Variants in CLASP2 observed in about 807,000 individuals in gnomAD.
The protein encoded by CLASP2 is cytoplasmic linker associated protein 2.
A neutral mutation model predicts 194.4 loss-of-function variants in CLASP2; 47 were observed. The ratio of observed to expected loss-of-function variants is 0.24; its 90% CI spans 0.19 to 0.31. The LOEUF (loss-of-function observed/expected upper bound fraction) is 0.31. Among genes scored for constraint, CLASP2 ranks in the 10% least tolerant of loss-of-function variants. CLASP2 has a pLI of 1.00. For synonymous variants in CLASP2, 619 were observed against 633.5 expected (o/e 0.98, Z 0.34); for missense variants, 1,445 against 1,823.6 (o/e 0.79, Z 3.78).
At chr3:33,592,861 C>T (rs2069152401) in intron 20 of CLASP2, among the ~76,000 whole-genome samples, 1 of 152,152 alleles carries the variant, frequency 6.6e-6, no homozygotes, top group African/African-American at 2.4e-5. Context: ...CAAGTCAACC[C>T]TACAGTTTTA....
At chr3:33,667,229 T>C (rs984969941) in intron 6 of CLASP2, among the ~76,000 whole-genome samples, 7 of 151,740 alleles carry the variant, frequency 4.6e-5, no homozygotes, top group Non-Finnish European at 7.4e-5. Context: ...CTGGCCAACA[T>C]GGTGAAACCC....
At chr3:33,510,890 C>G in intron 36 of CLASP2, 126 bp from the exon 37 acceptor site, 1 of 856,224 alleles carries the variant, frequency 1.2e-6, no homozygotes, top group South Asian at 1.8e-5. Flanking sequence ...CTACAGTAAA[C>G]AAACATGAAA....
intron 12 of CLASP2, among the ~76,000 whole-genome samples, chr3:33,614,624 T>C (rs1283779150): frequency 6.6e-6 from 1 of 152,124 alleles, no homozygotes; most frequent in East Asian, 1.9e-4. Flanking sequence ...TATAAAATAA[T>C]CAAATAGTCT....
In CLASP2 at chr3:33,516,127, T is replaced by G; in HGVS notation, c.4006A>C (p.Lys1336Gln). The G allele has an allele frequency of 6.2e-7, 1 of 1,608,958 alleles. No individual in the cohort carries two copies. Among genetic ancestry groups the G allele is most frequent in the Non-Finnish European group, 8.5e-7 (1 of 1,177,504 alleles). ...KEPTIRALAL[K>Q]VLREILRHQP... ...TGCCTTAGGATTTCTCTTAAAACCT[T>G]TAATGCCAAAGCCCTGATTGTAGGC... The change falls in exon 36 of 39, where the codon AAG becomes CAG. Residue 1336 changes from lysine to glutamine, a missense_variant. Coordinates refer to ENST00000682230, the MANE Select transcript of CLASP2 (RefSeq NM_001365631.1).
intron 37 of CLASP2, chr3:33,502,055 G>C (rs1392572579): frequency 1.2e-5 from 3 of 260,858 alleles, no homozygotes; most frequent in Non-Finnish European, 2.2e-5. Context: ...AATTCACCCT[G>C]AAAAAAGTCT....
intron 30 of CLASP2, among the ~76,000 whole-genome samples, chr3:33,545,730 T>C (rs2154150959): frequency 6.6e-6 from 1 of 152,140 alleles, no homozygotes; most frequent in East Asian, 1.9e-4. Context: ...GCTAACATGA[T>C]GAATCCCCGT....
chr3:33,603,754 C>T (rs1251914540), intron 17 of CLASP2, among the ~76,000 whole-genome samples: 1 of 152,146 alleles, frequency 6.6e-6, no homozygotes, highest in Non-Finnish European at 1.5e-5. Context: ...TCCTGAGTAG[C>T]TGGGATTATG....
At chr3:33,640,509 G>GA (rs1222838077) in intron 8 of CLASP2, among the ~76,000 whole-genome samples, 1 of 152,120 alleles carries the variant, frequency 6.6e-6, no homozygotes, top group Non-Finnish European at 1.5e-5. Context: ...ACAATACAGA[G>GA]AAAATACACT....
chr3:33,621,386 T>C (rs566948013), intron 11 of CLASP2, among the ~76,000 whole-genome samples: 35 of 152,302 alleles, frequency 2.3e-4, no homozygotes, highest in Non-Finnish European at 1.8e-4. Flanking sequence ...TAGTTGGAGA[T>C]ATTGGGTCAT....
At chr3:33,626,939 G>T in intron 10 of CLASP2, 49 bp downstream of exon 10, 1 of 1,122,156 alleles carries the variant, frequency 8.9e-7, no homozygotes, top group East Asian at 2.5e-5. Context: ...TTTTTTAAAA[G>T]GAACATCAAT....
intron 25 of CLASP2, 125 bp downstream of exon 25, chr3:33,572,985 A>G: frequency 9.5e-7 from 1 of 1,049,014 alleles, no homozygotes; most frequent in Non-Finnish European, 1.4e-6. Flanking sequence ...AAACACTTTG[A>G]AGCAACCATA....
intron 26 of CLASP2, among the ~76,000 whole-genome samples, 179 bp from the exon 27 acceptor site, chr3:33,566,913 A>G (rs1363459106): frequency 6.6e-6 from 1 of 152,282 alleles, no homozygotes; most frequent in African/African-American, 2.4e-5. Flanking sequence ...TTTTAAAACA[A>G]GACTTAAATG....
intron 23 of CLASP2, chr3:33,577,069 G>A: frequency 1.5e-5 from 9 of 599,144 alleles, no homozygotes; most frequent in Middle Eastern, 9.1e-4. Flanking sequence ...GAAAAAAAAA[G>A]TTTATTCTCC....
At chr3:33,525,661 A>G (rs1180491961) in intron 34 of CLASP2, among the ~76,000 whole-genome samples, 1 of 152,170 alleles carries the variant, frequency 6.6e-6, no homozygotes, top group Non-Finnish European at 1.5e-5. Flanking sequence ...AACTATGTGG[A>G]GTCTTGGCAG....
intron 21 of CLASP2, among the ~76,000 whole-genome samples, chr3:33,585,762 A>G (rs556549604): frequency 6.6e-6 from 1 of 152,170 alleles, no homozygotes; most frequent in East Asian, 1.9e-4. Flanking sequence ...CTACTGTCAC[A>G]TATGTGGTCA....
chr3:33,504,508 T>C (rs1336150243), intron 37 of CLASP2: 1 of 152,190 alleles, frequency 6.6e-6, no homozygotes, highest in Non-Finnish European at 1.5e-5. Context: ...TGCGTAATCA[T>C]TCAATTAGCT....
rs141858030 is a variant in CLASP2 at position 33,636,871 on chromosome 3, G to A, written c.863-4500C>T. The stretch of plus-strand genomic sequence containing the variant: ...CCACCTTGGCCTCCCAAAGTGCTGG[G>A]ATTACAGGTGTGAGCCACTATGCCT... On this transcript the variant is annotated intron_variant, in intron 8 of 38. Coordinates refer to ENST00000682230, the MANE Select transcript of CLASP2 (RefSeq NM_001365631.1). 1.1e-3 allele frequency among the ~76,000 whole-genome samples: 167 copies of A among 152,294 alleles called. 1 individual carries two copies. The highest frequency in any genetic ancestry group is 3.3e-3 in the African/African-American group (138 of 41,554).
At chr3:33,581,334 A>G (rs2066094381) in intron 23 of CLASP2, among the ~76,000 whole-genome samples, 1 of 152,220 alleles carries the variant, frequency 6.6e-6, no homozygotes, top group South Asian at 2.1e-4. Context: ...TAAACTGTAA[A>G]ATATTATAAA....
intron 12 of CLASP2, among the ~76,000 whole-genome samples, chr3:33,612,446 T>C (rs1034809544): frequency 1.3e-5 from 2 of 152,170 alleles, no homozygotes; most frequent in Non-Finnish European, 2.9e-5. Context: ...TGCCATGTCA[T>C]CAAAGCAGGT....
Sources: allele counts gnomAD v4.1 joint callset (sites outside exome capture counted in the v4.1 genomes callset), GRCh38; gene constraint gnomAD v4.1.1; transcripts MANE v1.5; gene names NCBI Gene and HGNC (gene_info 2026-07-23, HGNC 2026-07-21).